Variants in AQP1 observed in about 807,000 individuals in gnomAD.
AQP1 encodes the protein aquaporin-1.
A neutral mutation model predicts 19.7 loss-of-function variants in AQP1; 11 were observed. The observed-to-expected ratio is 0.56, with a 90% CI of 0.35 to 0.92. AQP1 has a LOEUF of 0.92. Among genes scored for constraint, AQP1 ranks in the 40% least tolerant of loss-of-function variants. The pLI is 0.01. For missense variants in AQP1, 320 were observed against 369.7 expected, an observed-to-expected ratio of 0.87 and a Z score of 1.10; for synonymous variants, 159 against 166.7, an observed-to-expected ratio of 0.95 and a Z score of 0.36.
At chr7:30,919,137 T>G (rs1373063365) in intron 1 of AQP1, among the ~76,000 whole-genome samples, 1 of 152,232 alleles carries the variant, frequency 6.6e-6, no homozygotes, top group Non-Finnish European at 1.5e-5. Flanking sequence ...TCTCTGCCAC[T>G]TCTATCAGCA....
chr7:30,922,104 C>T lies in AQP1; in HGVS notation c.423C>T (p.Ile141=), dbSNP rs749346080. The change falls in exon 2 of 4, where the codon ATC becomes ATT. Residue 141 remains isoleucine (I), a synonymous_variant. Coordinates refer to ENST00000311813, the MANE Select transcript of AQP1 (RefSeq NM_198098.4). The part of the protein sequence containing the change: ...DGVNSGQGLG[I]EIIGTLQLVL... ...TGAACTCGGGCCAGGGCCTGGGCAT[C>T]GAGATCATCGGGACCCTCCAGCTGG... 52 of 1,614,122 alleles carry T rather than the reference C, an allele frequency of 3.2e-5. No individual in the cohort carries two copies. Among genetic ancestry groups the T allele is most frequent in the Admixed American group, 3.0e-4 (18 of 60,036 alleles).
In AQP1 at chr7:30,924,238, C is replaced by T. The variant is rs916651172; in HGVS notation, c.*609C>T. On this transcript the variant is annotated 3_prime_UTR_variant, in exon 4 of 4. Coordinates refer to ENST00000311813, the MANE Select transcript of AQP1 (RefSeq NM_198098.4). ...CCTCCTTCTGCAAAGTGGCAGGGAC[C>T]GGCAGAGCTCTACAGGCCTGCAGCC... 2.1e-5 allele frequency: 13 copies of T among 616,796 alleles called. No homozygotes were observed. The highest frequency in any genetic ancestry group is 1.3e-4 in the Admixed American group (3 of 23,348). The allele number at this position is 616,796 out of a possible 1,614,324, so 38.2% of individuals were successfully genotyped here. A position where few individuals can be genotyped will look rare whatever the true frequency, so the allele number is the denominator to read the frequency against.
At chr7:30,920,341 G>A (rs576645403) in intron 1 of AQP1, among the ~76,000 whole-genome samples, 1 of 152,306 alleles carries the variant, frequency 6.6e-6, no homozygotes, top group East Asian at 1.9e-4. Context: ...CCTCACAGGT[G>A]CAAGTGTGGG....
rs28362732 is a variant in AQP1, at chr7:30,922,274, C to T, written c.549+44C>T. On this transcript the variant is annotated intron_variant, in intron 2 of 3. Coordinates refer to ENST00000311813, the MANE Select transcript of AQP1 (RefSeq NM_198098.4). ...CAGATGGAGGTGGGGGAAGGGAGGG[C>T]GGGGGCTGGTGGGGTGCCCTGCCAT... The T allele has an allele frequency of 5.9e-4, 438 of 744,644 alleles. No homozygotes were observed. In the African/African-American group the frequency reaches 6.0e-3, roughly 10 times the overall value. The allele number at this position is 744,644 out of a possible 1,614,324, so 46.1% of individuals were successfully genotyped here. A position where few individuals can be genotyped will look rare whatever the true frequency, so the allele number is the denominator to read the frequency against.
At chr7:30,919,587 C>A (rs1407336605) in intron 1 of AQP1, among the ~76,000 whole-genome samples, 3 of 144,734 alleles carry the variant, frequency 2.1e-5, no homozygotes, top group African/African-American at 5.1e-5. Flanking sequence ...CTTAATAAGA[C>A]CTGGGCCAGG....
At chr7:30,916,794 T>C (rs187199639) in intron 1 of AQP1, among the ~76,000 whole-genome samples, 137 of 152,334 alleles carry the variant, frequency 9.0e-4, no homozygotes, top group Middle Eastern at 3.4e-3. Context: ...GTTGATATTG[T>C]TGTTGACACG....
intron 1 of AQP1, among the ~76,000 whole-genome samples, chr7:30,918,512 C>A (rs1791417779): frequency 6.6e-6 from 1 of 152,172 alleles, no homozygotes; most frequent in Admixed American, 6.5e-5. Context: ...CACATAGGTC[C>A]CCTCACTGCC....
chr7:30,923,500 C>T lies in AQP1; in HGVS notation c.681C>T (p.Tyr227=), dbSNP rs140239885. Residue 227 remains tyrosine, a synonymous_variant, in exon 4 of 4, where the codon TAC becomes TAT. Coordinates refer to ENST00000311813, the MANE Select transcript of AQP1 (RefSeq NM_198098.4). The surrounding 1 kb of genome is among the most constrained non-coding windows in gnomAD (Gnocchi z 4.8). ...FIGGALAVLI[Y]DFILAPRSSD... is the part of the protein sequence containing the mutation. ...GGGGAGCCCTGGCTGTACTCATCTA[C>T]GACTTCATCCTGGCCCCACGCAGCA... is the stretch of plus-strand genomic sequence containing the variant. 1.2e-4 allele frequency: 193 copies of T among 1,613,982 alleles called. No homozygotes were observed. Among genetic ancestry groups the T allele is most frequent in the Non-Finnish European group, 1.4e-4 (171 of 1,180,026 alleles).
At chr7:30,921,383 C>T (rs764683412) in intron 1 of AQP1, 287 of 1,407,304 alleles carry the variant, frequency 2.0e-4, no homozygotes, top group Non-Finnish European at 2.4e-4. Flanking sequence ...AGGCTGAGGC[C>T]AGCAGTGGGG....
At chr7:30,919,321 T>C (rs946159538) in intron 1 of AQP1, among the ~76,000 whole-genome samples, 7 of 152,138 alleles carry the variant, frequency 4.6e-5, no homozygotes, top group Middle Eastern at 3.2e-3. Flanking sequence ...GAGCAGAAGT[T>C]AATTCCAGCC....
chr7:30,920,732 A>T (rs1311090406), intron 1 of AQP1, among the ~76,000 whole-genome samples: 3 of 152,130 alleles, frequency 2.0e-5, no homozygotes, highest in African/African-American at 7.2e-5. Context: ...CTTTGGCCCA[A>T]CCTTGGGACA....
Position 30,922,522 on chromosome 7 carries a change from A to G in AQP1, c.550-42A>G, listed in dbSNP as rs28362735. The G allele has an allele frequency of 1.4e-3, 2,257 of 1,563,296 alleles. 30 individuals carry two copies. In the African/African-American group the frequency reaches 0.025, roughly 17 times the overall value. On this transcript the variant is annotated intron_variant, in intron 2 of 3. Coordinates refer to ENST00000311813, the MANE Select transcript of AQP1 (RefSeq NM_198098.4). ...TCCTCTCACTCTCTCTTCACCTATG[A>G]CTCTCTGCCTTCGCCCCTCCCTCTG...
rs1481661447 is a variant in AQP1 at position 30,912,764 on chromosome 7, G to GC, written c.384+477dup. Among the ~76,000 whole-genome samples, 1 of 152,164 alleles carries GC rather than the reference G, an allele frequency of 6.6e-6. No homozygotes were observed. The highest frequency in any genetic ancestry group is 2.4e-5 in the African/African-American group (1 of 41,434). ...TGTGTGAGCAGGACTCCCTCAGGGA[G>GC]CCCCCCATATTCACACTAGTTTCCA... On this transcript the variant is annotated intron_variant, in intron 1 of 3. Transcript: ENST00000311813. The surrounding 1 kb of genome is among the most constrained non-coding windows in gnomAD (Gnocchi z 4.3).
chr7:30,913,748 G>A (rs977676488), intron 1 of AQP1, among the ~76,000 whole-genome samples: 14 of 152,210 alleles, frequency 9.2e-5, no homozygotes, highest in Admixed American at 6.5e-5. Context: ...CAAGATTGAA[G>A]ATTAGCTCCG....
intron 1 of AQP1, among the ~76,000 whole-genome samples, chr7:30,919,203 C>G (rs1425215171): frequency 6.6e-6 from 1 of 152,234 alleles, no homozygotes; most frequent in Non-Finnish European, 1.5e-5. Flanking sequence ...GTCCCCCACT[C>G]TGTCTTCACC....
chr7:30,921,971 TGCCTGG>T, intron 1 of AQP1, 89 bp from the exon 2 acceptor site: 1 of 1,589,590 alleles, frequency 6.3e-7, no homozygotes, highest in Non-Finnish European at 8.6e-7. Context: ...CCGCCCTTCA[TGCCTGG>T]GCCTGGGAGG....
chr7:30,919,525 A>G (rs569623580), intron 1 of AQP1, among the ~76,000 whole-genome samples: 8 of 150,424 alleles, frequency 5.3e-5, no homozygotes, highest in African/African-American at 2.0e-4. Flanking sequence ...GACAATTGAG[A>G]ATTGAGAATT....
At chr7:30,921,843 T>A (rs1358282912) in intron 1 of AQP1, 19 of 1,547,122 alleles carry the variant, frequency 1.2e-5, no homozygotes, top group Non-Finnish European at 1.7e-5. Flanking sequence ...AGGCAGGTAT[T>A]AGGGGCTGGG....
intron 1 of AQP1, among the ~76,000 whole-genome samples, chr7:30,915,066 C>T (rs1217854070): frequency 6.6e-6 from 1 of 152,230 alleles, no homozygotes; most frequent in Non-Finnish European, 1.5e-5. Flanking sequence ...CTGTGTGGCC[C>T]TAGTTCCTGT....
Sources: gnomAD v4.1 joint callset for allele counts (sites outside exome capture counted in the v4.1 genomes callset) on GRCh38, gnomAD v4.1.1 for gene constraint, Gnocchi (gnomAD v3.1) non-coding constraint, MANE v1.5 for transcripts, NCBI Gene and HGNC (gene_info 2026-07-23, HGNC 2026-07-21) for gene names.